The following ABTB3 variants were observed in gnomAD, a reference collection of about 807,000 sequenced individuals.
ABTB3 encodes ankyrin repeat- and BTB/POZ domain-containing protein 3.
chr12:107,471,036 G>A, the ABTB3 span, among the ~76,000 whole-genome samples: 1 of 152,214 alleles, frequency 6.6e-6, no homozygotes, highest in Non-Finnish European at 1.5e-5. Context: ...CACGAAGGGG[G>A]CATTTGATAA....
At chr12:107,370,757 A>ATTTTTTT in the ABTB3 span, among the ~76,000 whole-genome samples, 2 of 87,464 alleles carry the variant, frequency 2.3e-5, no homozygotes, top group Admixed American at 1.4e-4. Context: ...CAAAAAAGGG[A>ATTTTTTT]TTTTTTTTTT....
the ABTB3 span, among the ~76,000 whole-genome samples, chr12:107,320,829 G>C: frequency 6.6e-6 from 1 of 152,098 alleles, no homozygotes; most frequent in Non-Finnish European, 1.5e-5. Context: ...CTGAAGGAGC[G>C]CCTCTGGGGA....
At chr12:107,606,424 G>A in the ABTB3 span, among the ~76,000 whole-genome samples, 1 of 152,174 alleles carries the variant, frequency 6.6e-6, no homozygotes, top group Non-Finnish European at 1.5e-5. Context: ...CACATCTCCT[G>A]ATGTTCTTGC....
the ABTB3 span, among the ~76,000 whole-genome samples, chr12:107,467,300 C>A: frequency 6.6e-6 from 1 of 151,978 alleles, no homozygotes; most frequent in African/African-American, 2.4e-5. Flanking sequence ...AGAAAACGGG[C>A]CTTTGTATTT....
At chr12:107,385,925 C>T in the ABTB3 span, among the ~76,000 whole-genome samples, 5 of 152,194 alleles carry the variant, frequency 3.3e-5, no homozygotes, top group Admixed American at 3.3e-4. Flanking sequence ...GGAAAGGGAA[C>T]CCTGGAACTT....
the ABTB3 span, among the ~76,000 whole-genome samples, chr12:107,498,485 A>G: frequency 1.3e-5 from 2 of 152,240 alleles, no homozygotes; most frequent in Admixed American, 6.5e-5. Context: ...TTATTCTCTT[A>G]CAATGATGTA....
the ABTB3 span, among the ~76,000 whole-genome samples, chr12:107,521,930 A>C: frequency 9.9e-5 from 15 of 152,196 alleles, no homozygotes; most frequent in African/African-American, 3.4e-4. Flanking sequence ...GTCTTAGTCA[A>C]CTTGGGCCAC....
chr12:107,478,794 T>C, the ABTB3 span, among the ~76,000 whole-genome samples: 5 of 152,050 alleles, frequency 3.3e-5, no homozygotes, highest in African/African-American at 9.7e-5. Flanking sequence ...CAAGAGTTGC[T>C]TCCTTGCCCT....
At chr12:107,468,001 C>T in the ABTB3 span, among the ~76,000 whole-genome samples, 2 of 152,122 alleles carry the variant, frequency 1.3e-5, no homozygotes, top group African/African-American at 4.8e-5. Flanking sequence ...AAGGAGGCAC[C>T]TGCAGAGACC....
the ABTB3 span, among the ~76,000 whole-genome samples, chr12:107,517,438 A>G: frequency 6.6e-6 from 1 of 152,160 alleles, no homozygotes; most frequent in Non-Finnish European, 1.5e-5. Context: ...GATGGCATTG[A>G]ATCTATAAAT....
the ABTB3 span, among the ~76,000 whole-genome samples, chr12:107,369,397 T>G: frequency 1.3e-5 from 2 of 150,932 alleles, no homozygotes; most frequent in Non-Finnish European, 2.9e-5. Flanking sequence ...CAAGGGTTTT[T>G]TTTTTTTTTT....
At chr12:107,558,238 G>A in the ABTB3 span, among the ~76,000 whole-genome samples, 2 of 152,188 alleles carry the variant, frequency 1.3e-5, no homozygotes, top group African/African-American at 4.8e-5. Context: ...CGTTTGCAGA[G>A]GTGCAGCTGT....
chr12:107,627,270 C>T, the ABTB3 span, among the ~76,000 whole-genome samples: 5 of 152,198 alleles, frequency 3.3e-5, no homozygotes, highest in African/African-American at 9.7e-5. Flanking sequence ...TTCACCATCC[C>T]TCTGGCCTCC....
At chr12:107,592,088 C>T in the ABTB3 span, among the ~76,000 whole-genome samples, 1 of 152,226 alleles carries the variant, frequency 6.6e-6, no homozygotes, top group Non-Finnish European at 1.5e-5. Flanking sequence ...GTCAAATGCA[C>T]TACATCCATC....
the ABTB3 span, among the ~76,000 whole-genome samples, chr12:107,410,994 G>A: frequency 6.6e-6 from 1 of 152,126 alleles, no homozygotes; most frequent in Non-Finnish European, 1.5e-5. Flanking sequence ...GCCACGTGTA[G>A]TTACTAATGT....
chr12:107,453,019 A>C, the ABTB3 span, among the ~76,000 whole-genome samples: 1 of 152,152 alleles, frequency 6.6e-6, no homozygotes, highest in Non-Finnish European at 1.5e-5. Flanking sequence ...AAGTTGTGAC[A>C]TTTCTGGTGA....
the ABTB3 span, among the ~76,000 whole-genome samples, chr12:107,395,372 C>T: frequency 2.0e-5 from 3 of 152,286 alleles, no homozygotes; most frequent in East Asian, 3.9e-4. Flanking sequence ...TTAAGACCAC[C>T]GGAGGCTCAG....
chr12:107,324,993 C>T, the ABTB3 span, among the ~76,000 whole-genome samples: 23 of 152,230 alleles, frequency 1.5e-4, no homozygotes, highest in African/African-American at 5.3e-4. Flanking sequence ...AAACCCAAAC[C>T]GAACGCAATG....
chr12:107,635,521 G>A, the ABTB3 span: 9 of 650,066 alleles, frequency 1.4e-5, no homozygotes, highest in East Asian at 9.0e-5. Context: ...GAGTCAGGCC[G>A]GGGGAGATCA....
Sources: gnomAD v4.1 joint callset for allele counts (sites outside exome capture counted in the v4.1 genomes callset) on GRCh38, gnomAD v4.1.1 for gene constraint, MANE v1.5 for transcripts, NCBI Gene and HGNC (gene_info 2026-07-23, HGNC 2026-07-21) for gene names.